The following BCKDHB variants were observed in gnomAD, a reference collection of about 807,000 sequenced individuals.
BCKDHB encodes the protein 2-oxoisovalerate dehydrogenase subunit beta, mitochondrial.
A neutral mutation model predicts 48.5 loss-of-function variants in BCKDHB; 41 were observed. The observed-to-expected ratio is 0.85, with a 90% CI of 0.66 to 1.10. BCKDHB has a LOEUF of 1.10. Ranked by LOEUF, BCKDHB falls within the 50% of genes least tolerant of loss-of-function variation. The pLI is 0.00. For missense variants in BCKDHB, 496 were observed against 494.2 expected (o/e 1.00, Z -0.03); for synonymous variants, 201 against 174.8 (o/e 1.15, Z -1.18).
intron 6 of BCKDHB, among the ~76,000 whole-genome samples, chr6:80,192,017 A>G (rs1334974562): frequency 6.6e-6 from 1 of 152,200 alleles, no homozygotes; most frequent in Admixed American, 6.5e-5. Context: ...GAAGAATTAC[A>G]TTTGGATTTC....
the BCKDHB span, among the ~76,000 whole-genome samples, chr6:80,424,770 T>C: frequency 2.0e-5 from 3 of 152,164 alleles, no homozygotes; most frequent in Admixed American, 2.0e-4. Flanking sequence ...CAGAAAGCAA[T>C]TAGAATTTTT....
At chr6:80,189,433 A>G (rs1773794266) in intron 6 of BCKDHB, among the ~76,000 whole-genome samples, 1 of 152,196 alleles carries the variant, frequency 6.6e-6, no homozygotes, top group South Asian at 2.1e-4. Flanking sequence ...TAAGAATTCT[A>G]ATAATATAGA....
chr6:80,390,028 A>G, the BCKDHB span, among the ~76,000 whole-genome samples: 1 of 152,152 alleles, frequency 6.6e-6, no homozygotes, highest in African/African-American at 2.4e-5. Context: ...ATTAAAATGG[A>G]AGTTAAGATT....
intron 1 of BCKDHB, among the ~76,000 whole-genome samples, chr6:80,126,520 G>T (rs1211369036): frequency 6.6e-6 from 1 of 152,164 alleles, no homozygotes; most frequent in East Asian, 1.9e-4. Context: ...GGTTAGGTGG[G>T]CAGTGATCAG....
intron 9 of BCKDHB, among the ~76,000 whole-genome samples, chr6:80,331,397 C>T (rs1167434992): frequency 6.6e-6 from 1 of 152,120 alleles, no homozygotes; most frequent in Non-Finnish European, 1.5e-5. Flanking sequence ...GTTAACCATT[C>T]CATAAATGTG....
Position 80,273,233 on chromosome 6 carries a change from T to A in BCKDHB, c.1038+12T>A. On this transcript the variant is annotated intron_variant, in intron 9 of 9. Coordinates refer to ENST00000320393, the MANE Select transcript of BCKDHB (RefSeq NM_183050.4). ...GCTCTACAGTTCAGGTAGAGTAATT[T>A]TTGGAACTGATTTCAATGCTTGTGC... 1 of 1,609,112 alleles carries A rather than the reference T, an allele frequency of 6.2e-7. No individual in the cohort carries two copies. Among genetic ancestry groups the A allele is most frequent in the Non-Finnish European group, 8.5e-7 (1 of 1,175,716 alleles).
At chr6:80,147,845 T>C (rs1217166777) in intron 3 of BCKDHB, among the ~76,000 whole-genome samples, 1 of 151,864 alleles carries the variant, frequency 6.6e-6, no homozygotes, top group Non-Finnish European at 1.5e-5. Flanking sequence ...ATTGTGGTAG[T>C]GGAGGGAAGG....
intron 9 of BCKDHB, among the ~76,000 whole-genome samples, chr6:80,293,917 G>A (rs550881405): frequency 1.3e-5 from 2 of 152,210 alleles, no homozygotes; most frequent in South Asian, 2.1e-4. Context: ...TTCCCAACAA[G>A]TTCTTCATCT....
intron 6 of BCKDHB, among the ~76,000 whole-genome samples, chr6:80,180,635 G>A (rs7772483): frequency 2.0e-5 from 3 of 152,034 alleles, no homozygotes; most frequent in South Asian, 4.1e-4. Context: ...CCAAAAATAC[G>A]TAAAAATAGG....
chr6:80,238,524 G>C (rs1776239816), intron 8 of BCKDHB, among the ~76,000 whole-genome samples: 1 of 152,170 alleles, frequency 6.6e-6, no homozygotes, highest in Non-Finnish European at 1.5e-5. Context: ...AGTAGGCTCA[G>C]AGACTCTCCA....
At chr6:80,377,947 T>G in the BCKDHB span, among the ~76,000 whole-genome samples, 2 of 152,238 alleles carry the variant, frequency 1.3e-5, no homozygotes, top group Non-Finnish European at 2.9e-5. Context: ...AGTCTTTAGA[T>G]CTGTGAACAC....
At chr6:80,399,380 C>G in the BCKDHB span, among the ~76,000 whole-genome samples, 1 of 152,076 alleles carries the variant, frequency 6.6e-6, no homozygotes, top group Non-Finnish European at 1.5e-5. Context: ...GCACCTTTAG[C>G]TGATAAAAAA....
intron 3 of BCKDHB, among the ~76,000 whole-genome samples, chr6:80,158,627 C>T (rs1463073757): frequency 2.0e-5 from 3 of 152,168 alleles, no homozygotes; most frequent in Non-Finnish European, 4.4e-5. Context: ...TCTGTGCAAT[C>T]AGAATGACTC....
chr6:80,119,303 C>G (rs1485699120), intron 1 of BCKDHB, among the ~76,000 whole-genome samples: 1 of 151,974 alleles, frequency 6.6e-6, no homozygotes. Flanking sequence ...ATTTCAAACT[C>G]CTATAAATGT....
At chr6:80,231,002 G>A (rs671614) in intron 8 of BCKDHB, among the ~76,000 whole-genome samples, 132,480 of 152,264 alleles carry the variant, frequency 0.87, 57,898 homozygotes, top group East Asian at 0.99. Flanking sequence ...GCAGTTGTAA[G>A]TAATAAATAA....
At chr6:80,386,981 T>TCC in the BCKDHB span, among the ~76,000 whole-genome samples, 1 of 150,712 alleles carries the variant, frequency 6.6e-6, no homozygotes, top group African/African-American at 2.4e-5. Flanking sequence ...CTTTCTCCCA[T>TCC]CCCCCCCCAA....
chr6:80,399,760 G>A, the BCKDHB span, among the ~76,000 whole-genome samples: 2 of 151,928 alleles, frequency 1.3e-5, no homozygotes, highest in African/African-American at 2.4e-5. Flanking sequence ...AAATTCTTAG[G>A]GAACCAAAAA....
intron 8 of BCKDHB, among the ~76,000 whole-genome samples, chr6:80,204,174 G>C (rs1774529113): frequency 6.6e-6 from 1 of 152,032 alleles, no homozygotes; most frequent in Non-Finnish European, 1.5e-5. Flanking sequence ...TCTTGGGTTA[G>C]TTACATGAAA....
At chr6:80,276,803 A>T (rs900812756) in intron 9 of BCKDHB, among the ~76,000 whole-genome samples, 1 of 151,988 alleles carries the variant, frequency 6.6e-6, no homozygotes, top group African/African-American at 2.4e-5. Flanking sequence ...ATTAGACATA[A>T]TTTTTAAACT....
Sources: gnomAD v4.1 joint callset for allele counts (sites outside exome capture counted in the v4.1 genomes callset) on GRCh38, gnomAD v4.1.1 for gene constraint, MANE v1.5 for transcripts, NCBI Gene and HGNC (gene_info 2026-07-23, HGNC 2026-07-21) for gene names.